Variants in NCAM2 observed in about 807,000 individuals in gnomAD.
NCAM2 encodes the protein neural cell adhesion molecule 2, also known as N-CAM-2.
NCAM2 carries 30 observed loss-of-function variants against 98.1 expected under a neutral mutation model. The observed-to-expected ratio is 0.31, with a 90% CI of 0.23 to 0.41. NCAM2 has a LOEUF of 0.41. NCAM2 is among the 10% of genes least tolerant of loss of function. The pLI is 1.00. For synonymous variants in NCAM2, 368 were observed against 342.4 expected, an observed-to-expected ratio of 1.07 and a Z score of -0.83; for missense variants, 867 against 1,005.8, an observed-to-expected ratio of 0.86 and a Z score of 1.87.
At chr21:21,016,343 C>T (rs2064308028) in intron 1 of NCAM2, among the ~76,000 whole-genome samples, 1 of 152,174 alleles carries the variant, frequency 6.6e-6, no homozygotes, top group Admixed American at 6.5e-5. Context: ...CAAACAATAT[C>T]AAAGCCAACG....
intron 16 of NCAM2, among the ~76,000 whole-genome samples, chr21:21,530,493 C>T (rs2183564): frequency 0.33 from 49,729 of 149,230 alleles, 9,100 homozygotes; most frequent in African/African-American, 0.47. Flanking sequence ...TATTTTTTTC[C>T]TTCCTTCCCA....
intron 9 of NCAM2, among the ~76,000 whole-genome samples, chr21:21,395,899 C>T (rs554673117): frequency 6.6e-6 from 1 of 152,148 alleles, no homozygotes; most frequent in South Asian, 2.1e-4. Flanking sequence ...AGTCCTGAAA[C>T]CATAAAAATC....
At chr21:21,513,759 G>A (rs952916705) in intron 16 of NCAM2, among the ~76,000 whole-genome samples, 3 of 152,024 alleles carry the variant, frequency 2.0e-5, no homozygotes, top group Non-Finnish European at 2.9e-5. Context: ...TTGATTTTCT[G>A]CCTGGATGTC....
chr21:21,270,746 A>G (rs968320859), intron 1 of NCAM2, among the ~76,000 whole-genome samples: 1 of 151,976 alleles, frequency 6.6e-6, no homozygotes, highest in African/African-American at 2.4e-5. Context: ...TTTCACTTTA[A>G]TTTTTTGGTG....
intron 1 of NCAM2, among the ~76,000 whole-genome samples, chr21:21,122,175 G>A (rs959071224): frequency 6.6e-6 from 1 of 152,138 alleles, no homozygotes; most frequent in South Asian, 2.1e-4. Flanking sequence ...TTTAACCGAG[G>A]AATTTTGTTC....
chr21:21,209,841 G>A (rs760083068), intron 1 of NCAM2, among the ~76,000 whole-genome samples: 4 of 152,070 alleles, frequency 2.6e-5, no homozygotes, highest in Non-Finnish European at 4.4e-5. Context: ...CCCCAAAGAT[G>A]GTACTTGCCA....
intron 4 of NCAM2, among the ~76,000 whole-genome samples, chr21:21,288,477 G>A (rs540985812): frequency 2.0e-5 from 3 of 149,430 alleles, no homozygotes; most frequent in African/African-American, 7.6e-5. Context: ...ATAGTTTAAC[G>A]TGAAACATAA....
chr21:21,294,023 G>A (rs555534480), intron 5 of NCAM2, among the ~76,000 whole-genome samples: 1 of 151,324 alleles, frequency 6.6e-6, no homozygotes, highest in Admixed American at 6.6e-5. Flanking sequence ...TATCCAGCAG[G>A]CATAGTAACC....
intron 1 of NCAM2, among the ~76,000 whole-genome samples, chr21:21,273,785 A>C (rs2072618014): frequency 6.6e-6 from 1 of 152,180 alleles, no homozygotes; most frequent in Admixed American, 6.5e-5. Context: ...TTTTGGTTTT[A>C]AATTTATTAT....
At chr21:21,027,936 A>G (rs2064588304) in intron 1 of NCAM2, among the ~76,000 whole-genome samples, 1 of 150,048 alleles carries the variant, frequency 6.7e-6, no homozygotes, top group Non-Finnish European at 1.5e-5. Flanking sequence ...GGCTCGCTGC[A>G]ACCTCCGCCT....
At chr21:21,016,296 G>A (rs762751773) in intron 1 of NCAM2, among the ~76,000 whole-genome samples, 8 of 152,136 alleles carry the variant, frequency 5.3e-5, no homozygotes, top group Non-Finnish European at 7.3e-5. Flanking sequence ...TATGTCTGCC[G>A]CAGGAATGTT....
intron 15 of NCAM2, among the ~76,000 whole-genome samples, chr21:21,490,675 C>A (rs754432463): frequency 4.0e-5 from 6 of 151,620 alleles, no homozygotes; most frequent in Non-Finnish European, 8.9e-5. Flanking sequence ...AAATAGTGTA[C>A]ACAATTCATG....
intron 1 of NCAM2, among the ~76,000 whole-genome samples, chr21:21,172,015 A>G (rs987737498): frequency 3.3e-5 from 5 of 152,160 alleles, no homozygotes; most frequent in Non-Finnish European, 7.4e-5. Context: ...TTTATCCTCA[A>G]ATAACCTTAA....
intron 1 of NCAM2, among the ~76,000 whole-genome samples, chr21:21,241,168 A>G (rs2071051181): frequency 1.3e-5 from 2 of 152,154 alleles, no homozygotes; most frequent in Admixed American, 1.3e-4. Context: ...TCAATTAAAA[A>G]CAAAAAGTTT....
intron 1 of NCAM2, among the ~76,000 whole-genome samples, chr21:21,060,372 T>C (rs2065297165): frequency 6.6e-6 from 1 of 152,130 alleles, no homozygotes; most frequent in African/African-American, 2.4e-5. Context: ...GGGTTCTGTG[T>C]ATTTTTTAGT....
chr21:21,147,305 A>G (rs933194174), intron 1 of NCAM2: 2 of 978,952 alleles, frequency 2.0e-6, no homozygotes, highest in African/African-American at 1.8e-5. Flanking sequence ...ATGCTAAAAA[A>G]AAGACAATTT....
intron 1 of NCAM2, among the ~76,000 whole-genome samples, chr21:21,056,546 G>GGA (rs531425532): frequency 0.058 from 8,637 of 147,676 alleles, 264 homozygotes; most frequent in East Asian, 0.094. Flanking sequence ...GGGAGAGAGA[G>GGA]GAGAGAGAGA....
intron 5 of NCAM2, among the ~76,000 whole-genome samples, chr21:21,310,427 T>C (rs1203020241): frequency 6.6e-6 from 1 of 152,106 alleles, no homozygotes; most frequent in Admixed American, 6.6e-5. Flanking sequence ...TTTGGGTAGA[T>C]CAGAGCAATG....
intron 1 of NCAM2, among the ~76,000 whole-genome samples, chr21:21,047,933 C>T (rs1308380849): frequency 2.0e-5 from 3 of 152,164 alleles, no homozygotes; most frequent in African/African-American, 7.2e-5. Context: ...CAATCTGACT[C>T]TGGTATAACC....
Sources: allele counts gnomAD v4.1 joint callset (sites outside exome capture counted in the v4.1 genomes callset), GRCh38; gene constraint gnomAD v4.1.1; transcripts MANE v1.5; gene names NCBI Gene and HGNC (gene_info 2026-07-23, HGNC 2026-07-21).